The following MECOM variants were observed in gnomAD, a reference collection of about 807,000 sequenced individuals.
MECOM encodes the protein MDS1 and EVI1 complex locus, also known as histone-lysine N-methyltransferase MECOM.
A neutral mutation model predicts 116.3 loss-of-function variants in MECOM; 13 were observed. That is an observed-to-expected ratio of 0.11 (90% CI 0.07 to 0.18). The LOEUF is 0.18. Among genes scored for constraint, MECOM ranks in the 10% least tolerant of loss-of-function variants. The pLI is 1.00. For synonymous variants in MECOM, 528 were observed against 535.2 expected (o/e 0.99, Z 0.19); for missense variants, 1,299 against 1,509.0 (o/e 0.86, Z 2.31).
intron 1 of MECOM, among the ~76,000 whole-genome samples, chr3:169,582,804 C>G (rs1765268008): frequency 6.6e-6 from 1 of 152,182 alleles, no homozygotes; most frequent in Admixed American, 6.5e-5. Flanking sequence ...AAGTTCCTTC[C>G]TAGAGCCTTC....
intron 2 of MECOM, among the ~76,000 whole-genome samples, chr3:169,202,418 A>G (rs1015749435): frequency 1.2e-4 from 18 of 152,244 alleles, no homozygotes; most frequent in African/African-American, 4.1e-4. Flanking sequence ...TTGAGTCATT[A>G]GTATTTTACT....
intron 1 of MECOM, among the ~76,000 whole-genome samples, chr3:169,393,651 T>C (rs1035833593): frequency 1.3e-5 from 2 of 152,180 alleles, no homozygotes; most frequent in Non-Finnish European, 2.9e-5. Flanking sequence ...TGTTATTCAC[T>C]AGAATAAACA....
chr3:169,366,011 G>A (rs184080009), intron 2 of MECOM, among the ~76,000 whole-genome samples: 9 of 151,336 alleles, frequency 5.9e-5, no homozygotes, highest in Admixed American at 4.0e-4. Context: ...AAGGTTAACC[G>A]GCTTCAGCTC....
At chr3:169,307,910 C>A (rs1239504069) in intron 2 of MECOM, among the ~76,000 whole-genome samples, 1 of 152,174 alleles carries the variant, frequency 6.6e-6, no homozygotes. Flanking sequence ...TTTCCTTTCA[C>A]TCTTCTCCCT....
chr3:169,124,562 G>T (rs1732177959), intron 5 of MECOM, among the ~76,000 whole-genome samples: 1 of 148,862 alleles, frequency 6.7e-6, no homozygotes, highest in African/African-American at 2.5e-5. Context: ...ATAATATTAA[G>T]AAATTATTTT....
intron 1 of MECOM, among the ~76,000 whole-genome samples, chr3:169,391,648 T>G (rs189685422): frequency 8.8e-4 from 134 of 152,332 alleles, no homozygotes; most frequent in African/African-American, 3.0e-3. Flanking sequence ...AGATGTGCTA[T>G]GCATATGTGT....
intron 2 of MECOM, among the ~76,000 whole-genome samples, chr3:169,358,662 C>T (rs1170394120): frequency 6.6e-6 from 1 of 151,752 alleles, no homozygotes; most frequent in Non-Finnish European, 1.5e-5. Context: ...AACTGCTAAG[C>T]TTAAGGGCCT....
chr3:169,578,314 G>A (rs1321202886), intron 1 of MECOM, among the ~76,000 whole-genome samples: 2 of 152,138 alleles, frequency 1.3e-5, no homozygotes, highest in African/African-American at 2.4e-5. Flanking sequence ...TACAACTCAC[G>A]ATGCTTTTTT....
intron 2 of MECOM, among the ~76,000 whole-genome samples, chr3:169,162,418 A>G (rs1742982829): frequency 2.0e-5 from 3 of 152,208 alleles, no homozygotes; most frequent in African/African-American, 7.2e-5. Flanking sequence ...TAAGTACTAA[A>G]TTATGTCATT....
intron 1 of MECOM, among the ~76,000 whole-genome samples, chr3:169,655,785 G>GA (rs1310588753): frequency 4.6e-5 from 7 of 151,554 alleles, no homozygotes; most frequent in Non-Finnish European, 8.8e-5. Context: ...AACAGGAGGG[G>GA]AAAAAAAAGG....
chr3:169,303,639 C>G (rs573823998), intron 2 of MECOM, among the ~76,000 whole-genome samples: 27 of 152,246 alleles, frequency 1.8e-4, no homozygotes, highest in Non-Finnish European at 3.2e-4. Context: ...AGAAGCAGCC[C>G]CAAAGTTGTG....
chr3:169,246,628 A>C (rs1239477652), intron 2 of MECOM, among the ~76,000 whole-genome samples: 1 of 150,044 alleles, frequency 6.7e-6, no homozygotes, highest in Admixed American at 6.7e-5. Flanking sequence ...TCCCAGGTTC[A>C]AGCTATTCTC....
At chr3:169,254,865 A>G (rs1462798346) in intron 2 of MECOM, among the ~76,000 whole-genome samples, 1 of 152,112 alleles carries the variant, frequency 6.6e-6, no homozygotes, top group Non-Finnish European at 1.5e-5. Context: ...GATGATAGAT[A>G]TAGAAGTGGT....
chr3:169,347,976 G>C (rs1725654680), intron 2 of MECOM, among the ~76,000 whole-genome samples: 1 of 152,016 alleles, frequency 6.6e-6, no homozygotes. Flanking sequence ...AATATGGGCA[G>C]AACAGGATGA....
At chr3:169,334,815 G>C (rs2149780939) in intron 2 of MECOM, among the ~76,000 whole-genome samples, 1 of 152,252 alleles carries the variant, frequency 6.6e-6, no homozygotes, top group East Asian at 1.9e-4. Flanking sequence ...AGTCTAAGGA[G>C]AAAATGAGCC....
intron 1 of MECOM, among the ~76,000 whole-genome samples, chr3:169,587,494 G>A (rs1334719098): frequency 6.7e-6 from 1 of 150,264 alleles, no homozygotes; most frequent in Non-Finnish European, 1.5e-5. Flanking sequence ...CCTGTTGAAT[G>A]GGCCAACTCA....
chr3:169,186,717 T>C (rs548465376), intron 2 of MECOM, among the ~76,000 whole-genome samples: 1 of 152,270 alleles, frequency 6.6e-6, no homozygotes, highest in South Asian at 2.1e-4. Context: ...TGTCTGAGTT[T>C]ACACTTGCTA....
chr3:169,640,498 G>A (rs878935742), intron 1 of MECOM, among the ~76,000 whole-genome samples: 1 of 152,214 alleles, frequency 6.6e-6, no homozygotes, highest in African/African-American at 2.4e-5. Flanking sequence ...CTACTTGTAG[G>A]AGTCTGTCCA....
At chr3:169,573,083 C>T (rs1002221326) in intron 1 of MECOM, among the ~76,000 whole-genome samples, 3 of 152,148 alleles carry the variant, frequency 2.0e-5, no homozygotes, top group Non-Finnish European at 2.9e-5. Flanking sequence ...GAAAGATCCA[C>T]GCCCCAGGGG....
Sources: allele counts gnomAD v4.1 joint callset (sites outside exome capture counted in the v4.1 genomes callset), GRCh38; gene constraint gnomAD v4.1.1; transcripts MANE v1.5; gene names NCBI Gene and HGNC (gene_info 2026-07-23, HGNC 2026-07-21).